TACR1: variants seen among roughly 807,000 people sequenced by gnomAD.
The protein encoded by TACR1 is tachykinin receptor 1, also known as substance-P receptor.
A neutral mutation model predicts 35.8 loss-of-function variants in TACR1; 25 were observed. That is an observed-to-expected ratio of 0.70 (90% CI 0.51 to 0.98). The LOEUF is 0.98. Among genes scored for constraint, TACR1 ranks in the 50% least tolerant of loss-of-function variants. The pLI is 0.00. For synonymous variants in TACR1, 195 were observed against 206.7 expected, an observed-to-expected ratio of 0.94 and a Z score of 0.48; for missense variants, 478 against 522.9, an observed-to-expected ratio of 0.91 and a Z score of 0.84.
chr2:75,144,887 C>G (rs980931633), intron 1 of TACR1, among the ~76,000 whole-genome samples: 1 of 151,692 alleles, frequency 6.6e-6, no homozygotes, highest in Non-Finnish European at 1.5e-5. Flanking sequence ...TGAGGAGTTC[C>G]CCAAAAACCA....
intron 1 of TACR1, among the ~76,000 whole-genome samples, chr2:75,167,845 A>T (rs1163928736): frequency 6.6e-6 from 1 of 152,186 alleles, no homozygotes; most frequent in African/African-American, 2.4e-5. Context: ...TTACAAACCA[A>T]TTTAAGAAAT....
chr2:75,190,079 T>A (rs377393504), intron 1 of TACR1: 19 of 152,336 alleles, frequency 1.2e-4, no homozygotes, highest in African/African-American at 4.3e-4. Context: ...AAACTAGATA[T>A]ATAAGAAAAC....
intron 1 of TACR1, among the ~76,000 whole-genome samples, chr2:75,178,445 A>G (rs2104038407): frequency 6.6e-6 from 1 of 152,216 alleles, no homozygotes. Context: ...TCAGCCTCCC[A>G]AAGTGCTGGG....
chr2:75,153,998 C>G (rs929018803), intron 1 of TACR1, among the ~76,000 whole-genome samples: 1 of 152,136 alleles, frequency 6.6e-6, no homozygotes, highest in Admixed American at 6.5e-5. Flanking sequence ...GATAAGGAAA[C>G]TGGCCTCACT....
At chr2:75,078,089 G>T (rs963908962) in intron 2 of TACR1, among the ~76,000 whole-genome samples, 1 of 152,186 alleles carries the variant, frequency 6.6e-6, no homozygotes, top group African/African-American at 2.4e-5. Context: ...GAGTGAGGGG[G>T]TGTTCCCCAG....
At chr2:75,172,365 T>C (rs1252057104) in intron 1 of TACR1, among the ~76,000 whole-genome samples, 1 of 152,224 alleles carries the variant, frequency 6.6e-6, no homozygotes, top group Non-Finnish European at 1.5e-5. Flanking sequence ...GAAATTACTC[T>C]TTTTGCAAAT....
At chr2:75,087,255 C>G (rs939525745) in intron 2 of TACR1, among the ~76,000 whole-genome samples, 1 of 152,198 alleles carries the variant, frequency 6.6e-6, no homozygotes, top group Non-Finnish European at 1.5e-5. Flanking sequence ...ATTCCACTTG[C>G]ATCTTGCATT....
chr2:75,188,003 G>A (rs2104071847), intron 1 of TACR1: 1 of 152,272 alleles, frequency 6.6e-6, no homozygotes, highest in East Asian at 1.9e-4. Flanking sequence ...TTTTAAAAAT[G>A]AAATTTGTTA....
At chr2:75,094,859 A>ATTTTTTT (rs58283121) in intron 2 of TACR1, among the ~76,000 whole-genome samples, 6 of 113,098 alleles carry the variant, frequency 5.3e-5, no homozygotes, top group African/African-American at 2.4e-4. Flanking sequence ...ATATATATAT[A>ATTTTTTT]TTTTTTTTTT....
intron 1 of TACR1, among the ~76,000 whole-genome samples, chr2:75,178,708 T>C (rs1270475574): frequency 6.6e-6 from 1 of 152,214 alleles, no homozygotes; most frequent in Non-Finnish European, 1.5e-5. Context: ...GGTCCAGTCT[T>C]GGTCCTCATT....
intron 1 of TACR1, among the ~76,000 whole-genome samples, chr2:75,192,522 C>A (rs922086080): frequency 2.0e-5 from 3 of 152,094 alleles, no homozygotes; most frequent in African/African-American, 7.2e-5. Flanking sequence ...AGGGGTTGAA[C>A]TTTTATTTGG....
Position 75,062,358 on chromosome 2 carries a change from C to CCATT in TACR1, c.585-8604_585-8603insAATG, listed in dbSNP as rs537868276. On this transcript the variant is annotated intron_variant, in intron 2 of 4. Coordinates refer to ENST00000305249, the MANE Select transcript of TACR1 (RefSeq NM_001058.4). ...AAATTCTGAGAAAATGGATTGATAT[C>CCATT]TTCCTCTATCTTCCTGATATCTTCC... Among the ~76,000 whole-genome samples the CCATT allele has an allele frequency of 1.8e-3, 269 of 152,242 alleles. 1 individual carries two copies. The highest frequency in any genetic ancestry group is 6.4e-3 in the African/African-American group (264 of 41,566).
At chr2:75,083,053 T>A (rs535674977) in intron 2 of TACR1, among the ~76,000 whole-genome samples, 218 of 152,296 alleles carry the variant, frequency 1.4e-3, no homozygotes, top group African/African-American at 5.0e-3. Flanking sequence ...GTTTTTATGG[T>A]TTTAGGTCTA....
At chr2:75,159,253 G>A (rs911705456) in intron 1 of TACR1, among the ~76,000 whole-genome samples, 5 of 152,152 alleles carry the variant, frequency 3.3e-5, no homozygotes, top group Non-Finnish European at 5.9e-5. Context: ...CAAGCCAACC[G>A]AAACACAAAC....
rs563843444 is a variant in TACR1, at chr2:75,054,686, G to A, written c.585-931C>T. ...TTGGGGGTTTGGGGGTCCTTGGTTT[G>A]TCTGGTTAGTTACAGCCCTTTTCTT... On this transcript the variant is annotated intron_variant, in intron 2 of 4. Transcript: ENST00000305249. Among the ~76,000 whole-genome samples the A allele has an allele frequency of 2.1e-3, 319 of 152,196 alleles. 4 individuals carry two copies. Among genetic ancestry groups the A allele is most frequent in the African/African-American group, 7.5e-3 (310 of 41,510 alleles).
At chr2:75,081,371 T>C (rs1159551574) in intron 2 of TACR1, among the ~76,000 whole-genome samples, 1 of 151,952 alleles carries the variant, frequency 6.6e-6, no homozygotes, top group Non-Finnish European at 1.5e-5. Context: ...TGGTGAAAAA[T>C]CTGCAGGACC....
At chr2:75,097,166 C>G (rs1290992163) in intron 2 of TACR1, among the ~76,000 whole-genome samples, 4 of 152,204 alleles carry the variant, frequency 2.6e-5, no homozygotes, top group Non-Finnish European at 5.9e-5. Context: ...TAGGTGCCTT[C>G]TGACCACAAT....
chr2:75,165,215 G>A (rs1675109918), intron 1 of TACR1, among the ~76,000 whole-genome samples: 1 of 152,202 alleles, frequency 6.6e-6, no homozygotes, highest in African/African-American at 2.4e-5. Context: ...CTTTTTGAAC[G>A]AAAGATCTGC....
chr2:75,050,887 T>G (rs1106854), intron 4 of TACR1: 14,543 of 306,672 alleles, frequency 0.047, 671 homozygotes, highest in African/African-American at 0.15. Flanking sequence ...GCAGAGTGAA[T>G]AAACTCACAG....
Sources: allele counts gnomAD v4.1 joint callset (sites outside exome capture counted in the v4.1 genomes callset), GRCh38; gene constraint gnomAD v4.1.1; transcripts MANE v1.5; gene names NCBI Gene and HGNC (gene_info 2026-07-23, HGNC 2026-07-21).